The following TNR variants were observed in gnomAD, a reference collection of about 807,000 sequenced individuals.
TNR encodes the protein tenascin-R.
In TNR, 45 loss-of-function variants were observed where a neutral mutation model predicts 150.4. The ratio of observed to expected loss-of-function variants is 0.30; its 90% CI spans 0.24 to 0.38. The LOEUF (loss-of-function observed/expected upper bound fraction) is 0.38, where lower values mean the gene tolerates loss of function less well. Among genes scored for constraint, TNR ranks in the 10% least tolerant of loss-of-function variants. The pLI is 1.00. For synonymous variants in TNR, 687 were observed against 678.4 expected (o/e 1.01, Z -0.20); for missense variants, 1,544 against 1,759.1 (o/e 0.88, Z 2.19).
intron 1 of TNR, among the ~76,000 whole-genome samples, chr1:175,592,821 G>A (rs73050441): frequency 0.01 from 1,559 of 152,250 alleles, 23 homozygotes; most frequent in African/African-American, 0.036. Context: ...ATTCTTGTTA[G>A]TTTCAGGTTG....
chr1:175,649,143 G>A (rs1037775394), intron 1 of TNR, among the ~76,000 whole-genome samples: 9 of 152,186 alleles, frequency 5.9e-5, no homozygotes, highest in Non-Finnish European at 1.0e-4. Context: ...TCAGGCCGGC[G>A]CTGCCCACTC....
intron 2 of TNR, among the ~76,000 whole-genome samples, chr1:175,501,069 T>C (rs572129860): frequency 3.3e-5 from 5 of 152,232 alleles, no homozygotes; most frequent in South Asian, 4.2e-4. Flanking sequence ...ATGCCCATCA[T>C]TATGTTATGT....
intron 1 of TNR, among the ~76,000 whole-genome samples, chr1:175,738,823 C>T (rs1370521681): frequency 6.6e-6 from 1 of 152,172 alleles, no homozygotes; most frequent in African/African-American, 2.4e-5. Flanking sequence ...AATCCCATTC[C>T]AATTCCACCT....
intron 1 of TNR, among the ~76,000 whole-genome samples, chr1:175,535,010 G>T (rs1046710300): frequency 4.6e-5 from 7 of 152,112 alleles, no homozygotes; most frequent in Non-Finnish European, 1.0e-4. Flanking sequence ...CACCATGATT[G>T]TAAGTTTCCT....
intron 1 of TNR, among the ~76,000 whole-genome samples, chr1:175,578,514 A>T (rs941893659): frequency 1.3e-5 from 2 of 152,140 alleles, no homozygotes; most frequent in Non-Finnish European, 2.9e-5. Context: ...TGAAAATGAC[A>T]TGGGCATACA....
intron 1 of TNR, among the ~76,000 whole-genome samples, chr1:175,720,963 AT>A (rs1336283615): frequency 2.0e-5 from 3 of 152,246 alleles, no homozygotes; most frequent in Admixed American, 2.0e-4. Flanking sequence ...CTTAGCAATC[AT>A]CTTGCCCAAC....
chr1:175,401,289 G>C (rs535827218), intron 4 of TNR, among the ~76,000 whole-genome samples: 1 of 152,274 alleles, frequency 6.6e-6, no homozygotes, highest in South Asian at 2.1e-4. Context: ...AGTCTACTAA[G>C]AAGCATGTGC....
intron 1 of TNR, among the ~76,000 whole-genome samples, chr1:175,536,775 T>C (rs1004887303): frequency 2.6e-5 from 4 of 152,160 alleles, no homozygotes; most frequent in Non-Finnish European, 5.9e-5. Context: ...CCAAAGGAAG[T>C]GGAATTAAGG....
chr1:175,388,121 G>C (rs1337818370), intron 7 of TNR, among the ~76,000 whole-genome samples: 1 of 152,156 alleles, frequency 6.6e-6, no homozygotes, highest in Non-Finnish European at 1.5e-5. Context: ...GGGGGAAGTG[G>C]CCTCCTAGTT....
intron 18 of TNR, among the ~76,000 whole-genome samples, chr1:175,344,352 A>G (rs1253100012): frequency 6.6e-6 from 1 of 152,080 alleles, no homozygotes; most frequent in East Asian, 1.9e-4. Flanking sequence ...CTTTTGGTTT[A>G]ACTTTAGGAA....
In TNR at chr1:175,350,079, T is replaced by C. The variant is rs1177060893; in HGVS notation, c.3382+4312A>G. Among the ~76,000 whole-genome samples, 4 of 152,244 alleles carry C rather than the reference T, an allele frequency of 2.6e-5. No homozygotes were observed. The East Asian group carries it at 7.7e-4, about 29-fold the overall frequency. ...GTGAATTTCCATGATCTGCCATCTA[T>C]TGTTCCAGAGTGTGGTGTTTGCCAA... On this transcript the variant is annotated intron_variant, in intron 18 of 22. Transcript: ENST00000367674.
intron 1 of TNR, among the ~76,000 whole-genome samples, chr1:175,716,249 C>T (rs182999516): frequency 6.6e-6 from 1 of 152,276 alleles, no homozygotes; most frequent in East Asian, 1.9e-4. Flanking sequence ...CAAGATTCTC[C>T]ATTTTCCATT....
At chr1:175,403,728 C>T in intron 3 of TNR, 112 bp from the exon 4 acceptor site, 1 of 888,442 alleles carries the variant, frequency 1.1e-6, no homozygotes, top group Non-Finnish European at 1.8e-6. Flanking sequence ...ATTTCTGTTG[C>T]TGAGAGTGAA....
At chr1:175,395,206 C>G (rs1653367555) in intron 5 of TNR, among the ~76,000 whole-genome samples, 1 of 152,150 alleles carries the variant, frequency 6.6e-6, no homozygotes, top group Non-Finnish European at 1.5e-5. Context: ...AATTCCTTCC[C>G]CTCTGCCTGT....
intron 18 of TNR, among the ~76,000 whole-genome samples, chr1:175,338,672 C>A (rs1219692291): frequency 4.6e-5 from 7 of 152,162 alleles, no homozygotes; most frequent in African/African-American, 1.7e-4. Context: ...GTGTCAGTTA[C>A]TGCAGTATAC....
intron 1 of TNR, among the ~76,000 whole-genome samples, chr1:175,571,408 G>A (rs149234661): frequency 2.5e-3 from 378 of 152,298 alleles, no homozygotes; most frequent in African/African-American, 8.4e-3. Flanking sequence ...CTCTATAGAT[G>A]TACGTGTTAT....
chr1:175,552,166 G>A (rs989626232), intron 1 of TNR, among the ~76,000 whole-genome samples: 37 of 152,114 alleles, frequency 2.4e-4, no homozygotes, highest in African/African-American at 8.4e-4. Context: ...ATTCCATGTC[G>A]GTAGGTAGGA....
chr1:175,572,308 A>T (rs1412919048), intron 1 of TNR, among the ~76,000 whole-genome samples: 1 of 152,214 alleles, frequency 6.6e-6, no homozygotes, highest in Non-Finnish European at 1.5e-5. Context: ...GGATACCATA[A>T]AGAATATGAC....
intron 18 of TNR, among the ~76,000 whole-genome samples, chr1:175,340,605 A>G (rs749781141): frequency 6.6e-6 from 1 of 152,240 alleles, no homozygotes; most frequent in Non-Finnish European, 1.5e-5. Context: ...CCTGGTTTCC[A>G]TAGCAGATTC....
Sources: gnomAD v4.1 joint callset for allele counts (sites outside exome capture counted in the v4.1 genomes callset) on GRCh38, gnomAD v4.1.1 for gene constraint, MANE v1.5 for transcripts, NCBI Gene and HGNC (gene_info 2026-07-23, HGNC 2026-07-21) for gene names.